RASAL2: variants seen among roughly 807,000 people sequenced by gnomAD.
RASAL2 encodes RAS protein activator like 2.
In RASAL2, 58 loss-of-function variants were observed where a neutral mutation model predicts 128.9. The observed-to-expected ratio is 0.45, with a 90% CI of 0.36 to 0.56. The LOEUF (loss-of-function observed/expected upper bound fraction) is 0.56. RASAL2 is among the 20% of genes least tolerant of loss of function. The pLI, the probability that RASAL2 is intolerant of heterozygous loss-of-function variation, is 0.00. For synonymous variants in RASAL2, 561 were observed against 580.8 expected (o/e 0.97, Z 0.49); for missense variants, 1,360 against 1,601.6 (o/e 0.85, Z 2.57).
chr1:178,275,096 T>G (rs1420429522), intron 1 of RASAL2, among the ~76,000 whole-genome samples: 1 of 152,222 alleles, frequency 6.6e-6, no homozygotes, highest in Non-Finnish European at 1.5e-5. Context: ...TTTCTCATCT[T>G]ACTGCTGGCA....
chr1:178,277,172 C>G (rs993987306), intron 1 of RASAL2, among the ~76,000 whole-genome samples: 32 of 142,330 alleles, frequency 2.2e-4, no homozygotes, highest in Admixed American at 7.7e-4. Context: ...AAAAAAAAAC[C>G]AAAAACTTGT....
chr1:178,465,887 C>G, intron 15 of RASAL2, 33 bp from the exon 16 acceptor site: 1 of 1,413,658 alleles, frequency 7.1e-7, no homozygotes, highest in Non-Finnish European at 9.5e-7. Context: ...CAATGTGACT[C>G]TAGTTTTTGT....
At chr1:178,300,139 A>C in intron 3 of RASAL2, 21 bp downstream of exon 3, 1 of 1,593,384 alleles carries the variant, frequency 6.3e-7, no homozygotes, top group Non-Finnish European at 8.5e-7. Flanking sequence ...ATGAAAAGGA[A>C]ATAAATTCCT....
At chr1:178,225,061 T>A (rs1408866155) in intron 1 of RASAL2, among the ~76,000 whole-genome samples, 1 of 152,070 alleles carries the variant, frequency 6.6e-6, no homozygotes. Context: ...TGTGTTTTTT[T>A]ATTTTTGCTG....
At chr1:178,106,213 A>G (rs2102233274) in intron 1 of RASAL2, among the ~76,000 whole-genome samples, 1 of 152,344 alleles carries the variant, frequency 6.6e-6, no homozygotes, top group Admixed American at 6.5e-5. Flanking sequence ...CAAAAAGGAT[A>G]GCATGTACAC....
chr1:178,170,103 A>G (rs1019924672), intron 1 of RASAL2, among the ~76,000 whole-genome samples: 3 of 151,992 alleles, frequency 2.0e-5, no homozygotes, highest in Non-Finnish European at 2.9e-5. Context: ...AATAGGATAC[A>G]TTGAAAATAG....
intron 1 of RASAL2, among the ~76,000 whole-genome samples, chr1:178,196,831 A>G (rs1170390921): frequency 3.3e-5 from 5 of 152,228 alleles, no homozygotes; most frequent in Non-Finnish European, 7.3e-5. Context: ...AAGGTGTTCA[A>G]CTTTATTAGT....
intron 1 of RASAL2, among the ~76,000 whole-genome samples, chr1:178,122,303 T>C (rs543197611): frequency 1.3e-5 from 2 of 152,316 alleles, no homozygotes; most frequent in South Asian, 4.1e-4. Context: ...AAGTATGGGA[T>C]TGTTTATATG....
chr1:178,146,352 C>T (rs956284205), intron 1 of RASAL2, among the ~76,000 whole-genome samples: 5 of 152,212 alleles, frequency 3.3e-5, no homozygotes, highest in African/African-American at 4.8e-5. Context: ...CTGACGTAGG[C>T]GAAGCCTTGC....
At chr1:178,456,956 A>AGAAGTATATTCAACCT in intron 13 of RASAL2, 57 bp downstream of exon 13, 2 of 1,539,104 alleles carry the variant, frequency 1.3e-6, no homozygotes, top group Non-Finnish European at 1.8e-6. Context: ...TAGATTTAGC[A>AGAAGTATATTCAACCT]GAAGTATATT....
At chr1:178,122,916 T>G (rs558625098) in intron 1 of RASAL2, 2 of 152,214 alleles carry the variant, frequency 1.3e-5, no homozygotes, top group South Asian at 4.1e-4. Flanking sequence ...AGATCTTAGA[T>G]GAGTTGACCA....
intron 3 of RASAL2, among the ~76,000 whole-genome samples, chr1:178,314,650 G>A (rs1008897240): frequency 3.9e-5 from 6 of 151,906 alleles, no homozygotes; most frequent in Non-Finnish European, 8.8e-5. Context: ...CTGAGATTCA[G>A]TATTTTTAGT....
chr1:178,289,292 C>A (rs910208245), intron 2 of RASAL2, among the ~76,000 whole-genome samples: 1 of 152,124 alleles, frequency 6.6e-6, no homozygotes, highest in African/African-American at 2.4e-5. Flanking sequence ...TGTTCTTTTT[C>A]TTTCCTGCCT....
At chr1:178,405,524 G>C (rs939096268) in intron 4 of RASAL2, among the ~76,000 whole-genome samples, 3 of 152,180 alleles carry the variant, frequency 2.0e-5, no homozygotes, top group African/African-American at 4.8e-5. Flanking sequence ...TTTAAAAGCT[G>C]AAAAGCTTTC....
At chr1:178,228,571 G>A (rs1227129739) in intron 1 of RASAL2, among the ~76,000 whole-genome samples, 3 of 152,082 alleles carry the variant, frequency 2.0e-5, no homozygotes, top group East Asian at 1.9e-4. Flanking sequence ...GCGAGACTCC[G>A]TCCCGGGGAA....
chr1:178,236,344 C>T (rs1219371310), intron 1 of RASAL2, among the ~76,000 whole-genome samples: 1 of 151,982 alleles, frequency 6.6e-6, no homozygotes, highest in Non-Finnish European at 1.5e-5. Flanking sequence ...AACCATGTAC[C>T]TGTCTCTCAG....
At chr1:178,367,779 C>T (rs961123184) in intron 3 of RASAL2, among the ~76,000 whole-genome samples, 5 of 152,100 alleles carry the variant, frequency 3.3e-5, no homozygotes, top group African/African-American at 1.2e-4. Flanking sequence ...AATAATAAGA[C>T]AATTATTCAG....
intron 3 of RASAL2, among the ~76,000 whole-genome samples, chr1:178,373,694 C>G (rs1174352533): frequency 6.6e-6 from 1 of 151,970 alleles, no homozygotes; most frequent in African/African-American, 2.4e-5. Flanking sequence ...GTGGGGAAGG[C>G]ATTATCCTAC....
intron 3 of RASAL2, among the ~76,000 whole-genome samples, chr1:178,345,803 G>C (rs1167219541): frequency 6.6e-6 from 1 of 152,162 alleles, no homozygotes; most frequent in Admixed American, 6.5e-5. Flanking sequence ...TGAGTACATA[G>C]AATTGAGTTT....
Sources: gnomAD v4.1 joint callset for allele counts (sites outside exome capture counted in the v4.1 genomes callset) on GRCh38, gnomAD v4.1.1 for gene constraint, MANE v1.5 for transcripts, NCBI Gene and HGNC (gene_info 2026-07-23, HGNC 2026-07-21) for gene names.